Variants in SAMD8 observed in about 807,000 individuals in gnomAD.
SAMD8 encodes sterile alpha motif domain containing 8.
SAMD8 carries 20 observed loss-of-function variants against 42.0 expected under a neutral mutation model. The observed-to-expected ratio is 0.48, with a 90% confidence interval of 0.34 to 0.69. The LOEUF is 0.69. Ranked by LOEUF, SAMD8 falls within the 30% of genes least tolerant of loss-of-function variation. The pLI, the probability that SAMD8 is intolerant of heterozygous loss-of-function variation, is 0.01. For missense variants in SAMD8, 328 were observed against 511.6 expected, an observed-to-expected ratio of 0.64 and a Z score of 3.46; for synonymous variants, 162 against 173.0, an observed-to-expected ratio of 0.94 and a Z score of 0.50.
chr10:75,120,820 G>T (rs1182084505), intron 1 of SAMD8, among the ~76,000 whole-genome samples: 5 of 106,696 alleles, frequency 4.7e-5, no homozygotes, highest in African/African-American at 1.5e-4. Flanking sequence ...TCACTCTGTT[G>T]CCTGGGCTGG....
intron 4 of SAMD8, among the ~76,000 whole-genome samples, chr10:75,171,412 C>G (rs1162026033): frequency 1.3e-5 from 2 of 151,916 alleles, no homozygotes; most frequent in African/African-American, 4.8e-5. Context: ...CATGATCCGC[C>G]CGCCTTGGCC....
chr10:75,126,210 A>T (rs1465897185), intron 1 of SAMD8, among the ~76,000 whole-genome samples: 8 of 152,176 alleles, frequency 5.3e-5, no homozygotes, highest in African/African-American at 1.9e-4. Flanking sequence ...CACTTCCAAG[A>T]ACTCTTTTCT....
chr10:75,148,226 C>T (rs2134475457), intron 1 of SAMD8, among the ~76,000 whole-genome samples: 1 of 151,624 alleles, frequency 6.6e-6, no homozygotes, highest in Non-Finnish European at 1.5e-5. Flanking sequence ...TTCTTGTTTT[C>T]TAAATAGTTT....
chr10:75,156,771 G>T (rs1840419197), intron 2 of SAMD8, among the ~76,000 whole-genome samples: 1 of 152,146 alleles, frequency 6.6e-6, no homozygotes, highest in African/African-American at 2.4e-5. Flanking sequence ...AATCCAGGGG[G>T]AAATGTAAGG....
At position 75,176,221 on chromosome 10, in the gene SAMD8, G is replaced by GT. The variant is rs1187173806; in HGVS notation, c.943+6dup. 1.2e-6 allele frequency: 2 copies of GT among 1,614,166 alleles called. No homozygotes were observed. Among genetic ancestry groups the GT allele is most frequent in the Non-Finnish European group, 1.7e-6 (2 of 1,180,020 alleles). ...TGAATTTCTTTGTCACCGAATGTAA[G>GT]TATCTTTTTAGTGCTTCTATGCGTA... On this transcript the variant is annotated splice_donor_region_variant and intron_variant, in intron 5 of 5. Coordinates refer to ENST00000542569, the MANE Select transcript of SAMD8 (RefSeq NM_001174156.2). The surrounding 1 kb of genome is among the most constrained non-coding windows in gnomAD (Gnocchi z 4.3).
At chr10:75,160,768 T>C (rs879730591) in intron 2 of SAMD8, among the ~76,000 whole-genome samples, 18 of 152,174 alleles carry the variant, frequency 1.2e-4, no homozygotes, top group African/African-American at 2.9e-4. Context: ...GAGGTAAGTT[T>C]ATTTGTACTT....
At chr10:75,129,612 GA>G (rs139374059) in intron 1 of SAMD8, among the ~76,000 whole-genome samples, 80 of 152,156 alleles carry the variant, frequency 5.3e-4, no homozygotes, top group African/African-American at 1.9e-3. Context: ...ATCTACGTAG[GA>G]AAAAGAAGTT....
In SAMD8 at chr10:75,135,130, G is replaced by A. The variant is rs1179267723; in HGVS notation, c.-15-15384G>A. 2.6e-5 allele frequency among the ~76,000 whole-genome samples: 4 copies of A among 152,066 alleles called. No homozygotes were observed. The South Asian group carries it at 6.2e-4, about 24-fold the overall frequency. On this transcript the variant is annotated intron_variant, in intron 1 of 5. Transcript: ENST00000542569. ...ATATATGTGCTAAGTATCTTTATTT[G>A]ATCATCATACAGTGTATACATGTAT...
At chr10:75,133,056 G>C (rs966361273) in intron 1 of SAMD8, among the ~76,000 whole-genome samples, 3 of 152,078 alleles carry the variant, frequency 2.0e-5, no homozygotes, top group Non-Finnish European at 4.4e-5. Flanking sequence ...TTGACTGTTG[G>C]TGGAAATGTA....
At chr10:75,101,799 T>G (rs1036844031) in intron 1 of SAMD8, 3 of 774,052 alleles carry the variant, frequency 3.9e-6, no homozygotes, top group Non-Finnish European at 6.1e-6. Flanking sequence ...ACAAGTGTCC[T>G]GGCCCTCATT....
intron 1 of SAMD8, among the ~76,000 whole-genome samples, chr10:75,136,733 CA>C (rs1401364214): frequency 6.6e-6 from 1 of 151,898 alleles, no homozygotes; most frequent in Admixed American, 6.6e-5. Flanking sequence ...ATCTCAATAC[CA>C]AAAAAACCCA....
At chr10:75,146,998 A>G (rs1840152178) in intron 1 of SAMD8, among the ~76,000 whole-genome samples, 1 of 152,220 alleles carries the variant, frequency 6.6e-6, no homozygotes, top group Non-Finnish European at 1.5e-5. Context: ...GAAATGTGTC[A>G]TGCTTTTAGG....
Position 75,176,097 on chromosome 10 carries a change from G to A in SAMD8, c.824G>A (p.Arg275Gln), listed in dbSNP as rs950604451. The change falls in exon 5 of 6, where the codon CGA (arginine) becomes CAA (glutamine). Residue 275 changes from arginine to glutamine, a missense_variant. Transcript: ENST00000542569. This position sits in a 1 kb window ranked among gnomAD's most constrained non-coding sequence, Gnocchi z 4.3. ...GGCAGTGTATGGGAGAAATTACATC[G>A]AGCCTTTGCCATTTGGAGTGGCTTT... ...IYGSVWEKLH[R>Q]AFAIWSGFGM... The A allele has an allele frequency of 8.7e-6, 14 of 1,613,934 alleles. No homozygotes were observed. Among genetic ancestry groups the A allele is most frequent in the Non-Finnish European group, 1.1e-5 (13 of 1,180,006 alleles).
chr10:75,170,591 A>C (rs182356727), intron 4 of SAMD8, among the ~76,000 whole-genome samples: 2,052 of 151,906 alleles, frequency 0.014, 32 homozygotes, highest in Middle Eastern at 0.055. Flanking sequence ...ATTTTTTCAA[A>C]TTATAAAATT....
intron 1 of SAMD8, among the ~76,000 whole-genome samples, chr10:75,145,808 G>C (rs1008196530): frequency 2.6e-5 from 4 of 152,144 alleles, no homozygotes; most frequent in Non-Finnish European, 5.9e-5. Context: ...GCTGCCTTAG[G>C]GTTAGTTTTG....
At chr10:75,115,884 T>C (rs1211808574) in intron 1 of SAMD8, among the ~76,000 whole-genome samples, 1 of 141,292 alleles carries the variant, frequency 7.1e-6, no homozygotes, top group East Asian at 2.1e-4. Flanking sequence ...GAGCTTGCAG[T>C]GAGCGGAGAT....
chr10:75,113,230 A>C (rs1235504530), intron 1 of SAMD8, among the ~76,000 whole-genome samples: 2 of 152,228 alleles, frequency 1.3e-5, no homozygotes, highest in Admixed American at 6.5e-5. Flanking sequence ...TAGTAGAGAT[A>C]AATTGACTTC....
intron 2 of SAMD8, among the ~76,000 whole-genome samples, chr10:75,152,254 G>A (rs1236525714): frequency 6.6e-6 from 1 of 151,430 alleles, no homozygotes; most frequent in Non-Finnish European, 1.5e-5. Context: ...CGGGCGCGGT[G>A]GCTCACGCCT....
intron 2 of SAMD8, among the ~76,000 whole-genome samples, chr10:75,157,022 C>T (rs1840426662): frequency 6.6e-6 from 1 of 151,976 alleles, no homozygotes; most frequent in Admixed American, 6.6e-5. Flanking sequence ...ATGTCTGCAA[C>T]TTACTTCGGG....
Sources: gnomAD v4.1 joint callset for allele counts (sites outside exome capture counted in the v4.1 genomes callset) on GRCh38, gnomAD v4.1.1 for gene constraint, Gnocchi (gnomAD v3.1) non-coding constraint, MANE v1.5 for transcripts, NCBI Gene and HGNC (gene_info 2026-07-23, HGNC 2026-07-21) for gene names.